The following CPLX3 variants were observed in gnomAD, a reference collection of about 807,000 sequenced individuals.
The protein encoded by CPLX3 is complexin 3, also known as complexin-3.
In CPLX3, 12 loss-of-function variants were observed where a neutral mutation model predicts 17.2. That is an observed-to-expected ratio of 0.70 (90% CI 0.45 to 1.13). The LOEUF is 1.13. Ranked by LOEUF, CPLX3 falls within the 50% of genes most tolerant of loss-of-function variation. The pLI, the probability that CPLX3 is intolerant of heterozygous loss-of-function variation, is 0.00. For synonymous variants in CPLX3, 75 were observed against 79.4 expected, an observed-to-expected ratio of 0.94 and a Z score of 0.29; for missense variants, 172 against 203.2, an observed-to-expected ratio of 0.85 and a Z score of 0.93.
In CPLX3 at chr15:74,830,499, A is replaced by G. The variant is rs1176682019; in HGVS notation, c.*145A>G. On this transcript the variant is annotated 3_prime_UTR_variant, in exon 3 of 3. Coordinates refer to ENST00000395018, the MANE Select transcript of CPLX3 (RefSeq NM_001030005.3). The stretch of plus-strand genomic sequence containing the variant: ...CCTTTCCCATCCATGCCCCAAGCCT[A>G]TCTTCTGGTTTCTTCCTCTCCGCTG... The G allele has an allele frequency of 5.9e-6, 4 of 672,886 alleles. No homozygotes were observed. Among genetic ancestry groups the G allele is most frequent in the African/African-American group, 1.8e-5 (1 of 55,396 alleles). The allele number at this position is 672,886 out of a possible 1,614,324, so 41.7% of individuals were successfully genotyped here.
intron 2 of CPLX3, 39 bp downstream of exon 2, chr15:74,828,160 G>A: frequency 6.6e-7 from 1 of 1,521,450 alleles, no homozygotes; most frequent in Non-Finnish European, 8.9e-7. Flanking sequence ...CTGGGACCCT[G>A]AGCTCTGGGT....
chr15:74,826,788 G>GGGAGGATAA lies in CPLX3; in HGVS notation c.87_88insAGGATAAGG (p.Gly29_Asp30insArgIleArg). 6.2e-7 allele frequency: 1 copy of GGGAGGATAA among 1,606,846 alleles called. No individual in the cohort carries two copies. Among genetic ancestry groups the GGGAGGATAA allele is most frequent in the Non-Finnish European group, 8.5e-7 (1 of 1,176,588 alleles). The stretch of plus-strand genomic sequence containing the variant: ...GGGAGGCGGCGAGGATAAGGGAGAT[G>GGGAGGATAA]GGGACAAGTCGGCAGCCGAAGCTCA... On this transcript the variant is annotated inframe_insertion, in exon 1 of 3. Transcript: ENST00000395018. The surrounding 1 kb of genome is among the most constrained non-coding windows in gnomAD (Gnocchi z 5.0).
intron 2 of CPLX3, among the ~76,000 whole-genome samples, chr15:74,828,696 T>C (rs539509103): frequency 2.6e-5 from 4 of 152,272 alleles, no homozygotes; most frequent in Middle Eastern, 3.4e-3. Flanking sequence ...CAGTGAGCCA[T>C]GGAGCTGGGA....
rs748732063 is a variant in CPLX3, at chr15:74,826,657, G to T, written c.-47G>T. The T allele has an allele frequency of 6.9e-5, 109 of 1,586,140 alleles. 1 individual carries two copies. The highest frequency in any genetic ancestry group is 8.7e-5 in the Non-Finnish European group (102 of 1,167,332). ...TGAAGTAGGCGCGGACGTGCCCGGTGCCTGGCGCGTGGTAGCAGGCGCCCG... is the reference window on the plus strand; with the variant it reads ...TGAAGTAGGCGCGGACGTGCCCGGTTCCTGGCGCGTGGTAGCAGGCGCCCG... On this transcript the variant is annotated 5_prime_UTR_variant, in exon 1 of 3. Transcript: ENST00000395018. This position sits in a 1 kb window ranked among gnomAD's most constrained non-coding sequence, Gnocchi z 5.0.
In CPLX3 at chr15:74,830,133, G is replaced by T. The variant is rs557888970; in HGVS notation, c.256G>T (p.Glu86Ter). 4 of 1,613,338 alleles carry T rather than the reference G, an allele frequency of 2.5e-6. No homozygotes were observed. Among genetic ancestry groups the T allele is most frequent in the Admixed American group, 3.3e-5 (2 of 60,012 alleles). ...FRDKYRLPKN[E>*]TDESQIQMAG... Reference sequence around the variant, plus strand: ...CCTCTTCCCCTCTTCCCTTCAGAACGAGACAGATGAGAGCCAGATCCAGAT... The same window carrying T: ...CCTCTTCCCCTCTTCCCTTCAGAACTAGACAGATGAGAGCCAGATCCAGAT... Residue 86 changes from glutamate (E) to a stop codon, truncating the protein, a stop_gained, in exon 3 of 3, where the codon GAG (glutamate) becomes TAG (stop). Transcript: ENST00000395018. LOFTEE classifies it high-confidence loss of function.
At chr15:74,828,187 C>T (rs1196340829) in intron 2 of CPLX3, 66 bp downstream of exon 2, 5 of 1,277,478 alleles carry the variant, frequency 3.9e-6, no homozygotes, top group African/African-American at 2.9e-5. Flanking sequence ...CTCCTTCGCC[C>T]CATTCTGGGC....
Position 74,830,920 on chromosome 15 carries a change from G to T in CPLX3, c.*566G>T, listed in dbSNP as rs1160414031. 1 of 153,010 alleles carries T rather than the reference G, an allele frequency of 6.5e-6. No homozygotes were observed. The highest frequency in any genetic ancestry group is 1.5e-5 in the Non-Finnish European group (1 of 68,324). The allele number at this position is 153,010 out of a possible 1,614,324, so 9.5% of individuals were successfully genotyped here. A position where few individuals can be genotyped will look rare whatever the true frequency, so the allele number is the denominator to read the frequency against. On this transcript the variant is annotated 3_prime_UTR_variant, in exon 3 of 3. Coordinates refer to ENST00000395018, the MANE Select transcript of CPLX3 (RefSeq NM_001030005.3). ...CCTTATTTCATCATCTGTAAAATGGGAATGTCCTGAATGACTTCTAAGGCT... is the reference window on the plus strand; with the variant it reads ...CCTTATTTCATCATCTGTAAAATGGTAATGTCCTGAATGACTTCTAAGGCT...
In CPLX3 at chr15:74,828,094, C is replaced by A. The variant is rs746910715; in HGVS notation, c.225C>A (p.His75Gln). ...RKAERATLRSHFRDKYRLPKN... is the reference protein window; with the variant it reads ...RKAERATLRSQFRDKYRLPKN... ...CAGAGCGGGCCACACTGCGGAGCCA[C>A]TTCCGAGACAAATACCGGCTACCCA... Residue 75 changes from histidine to glutamine, a missense_variant, in exon 2 of 3, where the codon CAC becomes CAA. Coordinates refer to ENST00000395018, the MANE Select transcript of CPLX3 (RefSeq NM_001030005.3). The A allele has an allele frequency of 1.2e-6, 2 of 1,603,470 alleles. No homozygotes were observed. The highest frequency in any genetic ancestry group is 2.2e-5 in the South Asian group (2 of 89,056).
At position 74,830,797 on chromosome 15, in the gene CPLX3, ACT is replaced by A. The variant is rs1433865053; in HGVS notation, c.*446_*447del. On this transcript the variant is annotated 3_prime_UTR_variant, in exon 3 of 3. Coordinates refer to ENST00000395018, the MANE Select transcript of CPLX3 (RefSeq NM_001030005.3). ...CCCCTCCAGACACCACCACTCAGAAACTCTGAGAGAGAGCATGGGCAGACACC... is the reference window on the plus strand; with the variant it reads ...CCCCTCCAGACACCACCACTCAGAAACTGAGAGAGAGCATGGGCAGACACC... 2 of 160,758 alleles carry A rather than the reference ACT, an allele frequency of 1.2e-5. No homozygotes were observed. The highest frequency in any genetic ancestry group is 2.7e-5 in the Non-Finnish European group (2 of 73,016). 10.0% of individuals were successfully genotyped at this position (160,758 alleles called of 1,614,324 possible). A position where few individuals can be genotyped will look rare whatever the true frequency, so the allele number is the denominator to read the frequency against.
chr15:74,827,895 C>T (rs184325437), intron 1 of CPLX3, 139 bp from the exon 2 acceptor site: 13 of 667,318 alleles, frequency 1.9e-5, no homozygotes, highest in African/African-American at 1.1e-4. Flanking sequence ...CCTGGATGTC[C>T]GGGTTGGAGC....
In CPLX3 at chr15:74,826,963, C is replaced by A; in HGVS notation, c.164+96C>A. 8.8e-7 allele frequency: 1 copy of A among 1,132,072 alleles called. No homozygotes were observed. Among genetic ancestry groups the A allele is most frequent in the Non-Finnish European group, 1.3e-6 (1 of 794,884 alleles). The allele number at this position is 1,132,072 out of a possible 1,614,324, so 70.1% of individuals were successfully genotyped here. A position where few individuals can be genotyped will look rare whatever the true frequency, so the allele number is the denominator to read the frequency against. ...GGCCAGCCTCAGGTCCCAATCCCTT[C>A]TCCCCTACTTTCCTAGACACGGTAA... On this transcript the variant is annotated intron_variant, in intron 1 of 2. Transcript: ENST00000395018. The surrounding 1 kb of genome is among the most constrained non-coding windows in gnomAD (Gnocchi z 5.0).
chr15:74,830,252 G>A lies in CPLX3; in HGVS notation c.375G>A (p.Gln125=). 1 of 1,613,972 alleles carries A rather than the reference G, an allele frequency of 6.2e-7. No individual in the cohort carries two copies. Among genetic ancestry groups the A allele is most frequent in the Non-Finnish European group, 8.5e-7 (1 of 1,180,038 alleles). ...AGGAGAAGGCCTCAGTCCTTGGGCA[G>A]CTGGCCAGCCTTCCTGGCTTGAACC... ...EEEEKASVLG[Q]LASLPGLNLG... is the part of the protein sequence containing the mutation. The change falls in exon 3 of 3, where the codon CAG becomes CAA. Residue 125 remains glutamine (Q), a synonymous_variant. Coordinates refer to ENST00000395018, the MANE Select transcript of CPLX3 (RefSeq NM_001030005.3).
intron 2 of CPLX3, among the ~76,000 whole-genome samples, chr15:74,829,883 G>A: frequency 6.6e-6 from 1 of 152,096 alleles, no homozygotes; most frequent in East Asian, 1.9e-4. Flanking sequence ...TAAGGGGCCG[G>A]GCACAGTGGC....
In CPLX3 at chr15:74,830,183, C is replaced by T; in HGVS notation, c.306C>T (p.Pro102=). Residue 102 remains proline (P), a synonymous_variant, in exon 3 of 3, where the codon CCC becomes CCT. Coordinates refer to ENST00000395018, the MANE Select transcript of CPLX3 (RefSeq NM_001030005.3). ...IQMAGGDVEL[P]RELAKMIEED... is the part of the protein sequence containing the mutation. ...TGGCAGGTGGAGACGTGGAGCTGCC[C>T]CGGGAGCTGGCCAAGATGATCGAGG... 1 of 1,613,868 alleles carries T rather than the reference C, an allele frequency of 6.2e-7. No individual in the cohort carries two copies. The highest frequency in any genetic ancestry group is 2.2e-5 in the East Asian group (1 of 44,878).
rs2063969734 is a variant in CPLX3, at chr15:74,831,570, C to G, written c.*1216C>G. 6.6e-6 allele frequency: 1 copy of G among 152,078 alleles called. No individual in the cohort carries two copies. Among genetic ancestry groups the G allele is most frequent in the Non-Finnish European group, 1.5e-5 (1 of 68,048 alleles). The allele number at this position is 152,078 out of a possible 1,614,324, so 9.4% of individuals were successfully genotyped here. On this transcript the variant is annotated 3_prime_UTR_variant, in exon 3 of 3. Coordinates refer to ENST00000395018, the MANE Select transcript of CPLX3 (RefSeq NM_001030005.3). ...TGCCTGTGCCTACACCCCTCCTCACCCTAGAGACGGAAGATGTGCAAAAAG... is the reference window on the plus strand; with the variant it reads ...TGCCTGTGCCTACACCCCTCCTCACGCTAGAGACGGAAGATGTGCAAAAAG...
At position 74,828,021 on chromosome 15, in the gene CPLX3, G is replaced by A. The variant is rs770793532; in HGVS notation, c.165-13G>A. 1.8e-5 allele frequency: 29 copies of A among 1,595,614 alleles called. No homozygotes were observed. In the East Asian group the frequency reaches 5.0e-4, roughly 27 times the overall value. ...CAGCCCTCGTGGTGACTCTGCCTCC[G>A]GTGACCCTGCAGGATGGAGCGGGAT... On this transcript the variant is annotated splice_polypyrimidine_tract_variant and intron_variant, in intron 1 of 2. Transcript: ENST00000395018.
chr15:74,830,049 A>G, intron 2 of CPLX3, 81 bp from the exon 3 acceptor site: 2 of 1,080,272 alleles, frequency 1.9e-6, no homozygotes, highest in South Asian at 2.8e-5. Flanking sequence ...AACCCAGTCC[A>G]AGCCTCCTCC....
chr15:74,830,216 AGAG>A lies in CPLX3; in HGVS notation c.352_354del (p.Glu118del), dbSNP rs772406720. Reference sequence around the variant, plus strand: ...TGGCCAAGATGATCGAGGAGGACACAGAGGAGGAGGAGGAGAAGGCCTCAGTCC... The same window carrying A: ...TGGCCAAGATGATCGAGGAGGACACAGAGGAGGAGGAGAAGGCCTCAGTCC... On this transcript the variant is annotated inframe_deletion, in exon 3 of 3. Coordinates refer to ENST00000395018, the MANE Select transcript of CPLX3 (RefSeq NM_001030005.3). The A allele has an allele frequency of 1.9e-4, 312 of 1,610,692 alleles. No individual in the cohort carries two copies. Among genetic ancestry groups the A allele is most frequent in the Non-Finnish European group, 2.4e-4 (278 of 1,177,336 alleles).
Position 74,830,153 on chromosome 15 carries a change from C to A in CPLX3, c.276C>A (p.Ile92=). 1 of 1,613,918 alleles carries A rather than the reference C, an allele frequency of 6.2e-7. No individual in the cohort carries two copies. Among genetic ancestry groups the A allele is most frequent in the East Asian group, 2.2e-5 (1 of 44,880 alleles). Residue 92 remains isoleucine, a synonymous_variant, in exon 3 of 3, where the codon ATC becomes ATA. Transcript: ENST00000395018. ...AGAACGAGACAGATGAGAGCCAGAT[C>A]CAGATGGCAGGTGGAGACGTGGAGC... ...LPKNETDESQ[I]QMAGGDVELP...
Sources: allele counts gnomAD v4.1 joint callset (sites outside exome capture counted in the v4.1 genomes callset), GRCh38; gene constraint gnomAD v4.1.1; non-coding constraint Gnocchi (gnomAD v3.1); transcripts MANE v1.5; gene names NCBI Gene and HGNC (gene_info 2026-07-23, HGNC 2026-07-21).